Variants in CHRDL1 observed in about 807,000 individuals in gnomAD.
CHRDL1 encodes the protein chordin-like protein 1.
CHRDL1 carries 19 observed loss-of-function variants against 40.9 expected under a neutral mutation model. The ratio of observed to expected loss-of-function variants is 0.46; its 90% confidence interval spans 0.32 to 0.68. The LOEUF is 0.68. CHRDL1 is among the 30% of genes least tolerant of loss of function. CHRDL1 has a pLI of 0.03. For missense variants in CHRDL1, 329 were observed against 352.1 expected (o/e 0.93, Z 0.53); for synonymous variants, 136 against 123.4 (o/e 1.10, Z -0.68).
At chrX:110,710,724 T>G (rs1384987109) in intron 6 of CHRDL1, among the ~76,000 whole-genome samples, 1 of 111,781 alleles carries the variant, frequency 8.9e-6, no homozygotes, top group East Asian at 2.8e-4. Flanking sequence ...GCAAAAACAA[T>G]CTGGAACATT....
At chrX:110,693,218 T>C (rs2070315599) in intron 8 of CHRDL1, among the ~76,000 whole-genome samples, 1 of 111,403 alleles carries the variant, frequency 9.0e-6, no homozygotes. Flanking sequence ...CATTGGAAGC[T>C]ATGGAAGTCT....
chrX:110,686,891 C>CAAAAAAAA (rs754055781), intron 9 of CHRDL1, among the ~76,000 whole-genome samples: 30 of 85,355 alleles, frequency 3.5e-4, no homozygotes, highest in African/African-American at 7.5e-4. Context: ...CTCAAAAAAA[C>CAAAAAAAA]AAAAAATAAA....
intron 6 of CHRDL1, 146 bp downstream of exon 6, chrX:110,719,689 C>A: frequency 1.2e-4 from 27 of 222,328 alleles, no homozygotes; most frequent in South Asian, 3.5e-4. Context: ...ATTTATTTTT[C>A]CCTTTGTTAA....
At chrX:110,789,192 T>C (rs1184281316) in intron 2 of CHRDL1, among the ~76,000 whole-genome samples, 1 of 111,874 alleles carries the variant, frequency 8.9e-6, no homozygotes. Context: ...ATTGAACTAG[T>C]ACATAATCGA....
intron 3 of CHRDL1, among the ~76,000 whole-genome samples, chrX:110,760,056 G>A (rs770727745): frequency 1.3e-4 from 15 of 111,778 alleles, no homozygotes; most frequent in Non-Finnish European, 2.6e-4. Context: ...CCATTCCCCA[G>A]CTCTAGCTGC....
chrX:110,703,501 T>C (rs2070558186), intron 6 of CHRDL1, among the ~76,000 whole-genome samples: 2 of 111,029 alleles, frequency 1.8e-5, no homozygotes, highest in Non-Finnish European at 3.8e-5. Flanking sequence ...TGCCCAAGAG[T>C]CAGTTAACAT....
At chrX:110,728,350 A>C (rs1487909833) in intron 4 of CHRDL1, among the ~76,000 whole-genome samples, 2 of 111,555 alleles carry the variant, frequency 1.8e-5, no homozygotes, top group Admixed American at 9.6e-5. Flanking sequence ...AATGATATAA[A>C]TGTATTCCTC....
At chrX:110,677,945 G>C (rs2069813377) in intron 11 of CHRDL1, among the ~76,000 whole-genome samples, 1 of 111,306 alleles carries the variant, frequency 9.0e-6, no homozygotes, top group South Asian at 3.8e-4. Context: ...TGCTGATCTT[G>C]TTGATTTAAC....
intron 4 of CHRDL1, among the ~76,000 whole-genome samples, chrX:110,740,857 G>GT (rs1417246600): frequency 8.9e-6 from 1 of 111,998 alleles, no homozygotes; most frequent in Non-Finnish European, 1.9e-5. Context: ...CCTGCAACTT[G>GT]TTTTTGTAAA....
chrX:110,768,859 C>G (rs1236808923), intron 2 of CHRDL1, among the ~76,000 whole-genome samples: 1 of 111,034 alleles, frequency 9.0e-6, no homozygotes, highest in Non-Finnish European at 1.9e-5. Context: ...TCGTGTGAGT[C>G]AGTTCTCCTT....
intron 6 of CHRDL1, among the ~76,000 whole-genome samples, chrX:110,705,762 T>C (rs919427946): frequency 1.9e-5 from 2 of 108,068 alleles, no homozygotes; most frequent in East Asian, 5.7e-4. Flanking sequence ...ATATTTAACC[T>C]GTATATAAAT....
chrX:110,775,831 T>C (rs1046822950), intron 2 of CHRDL1, among the ~76,000 whole-genome samples: 3 of 111,104 alleles, frequency 2.7e-5, no homozygotes, highest in African/African-American at 3.3e-5. Context: ...TGGTTTTAAC[T>C]GAACATTTTA....
At position 110,694,522 on chromosome X, in the gene CHRDL1, T is replaced by A. The variant is rs374490380; in HGVS notation, c.610-191A>T. The stretch of plus-strand genomic sequence containing the variant: ...GCAGCTGACATTTTTTTCATTAAAA[T>A]TTTTTTTTAATGACAACTTGCCAAG... On this transcript the variant is annotated intron_variant, in intron 7 of 11. Transcript: ENST00000372042. 7.5e-4 allele frequency among the ~76,000 whole-genome samples: 83 copies of A among 111,078 alleles called. 1 individual carries two copies. Among genetic ancestry groups the A allele is most frequent in the African/African-American group, 2.4e-3 (73 of 30,681 alleles).
chrX:110,792,044 G>T (rs988534907), intron 2 of CHRDL1, 44 bp downstream of exon 2: 20 of 828,379 alleles, frequency 2.4e-5, no homozygotes, highest in Non-Finnish European at 3.3e-5. Context: ...CATTTTCAAA[G>T]AAATTATAAA....
intron 8 of CHRDL1, among the ~76,000 whole-genome samples, chrX:110,690,864 G>T (rs1453405563): frequency 9.0e-6 from 1 of 111,382 alleles, no homozygotes; most frequent in Non-Finnish European, 1.9e-5. Flanking sequence ...TCTGACATTT[G>T]TTAAGTGGGA....
intron 4 of CHRDL1, among the ~76,000 whole-genome samples, chrX:110,741,326 T>C (rs1286113861): frequency 8.9e-6 from 1 of 111,927 alleles, no homozygotes; most frequent in Non-Finnish European, 1.9e-5. Flanking sequence ...ACAAAGGGTA[T>C]ACACAGTATA....
chrX:110,756,286 G>A, intron 4 of CHRDL1, among the ~76,000 whole-genome samples: 1 of 112,081 alleles, frequency 8.9e-6, no homozygotes, highest in Admixed American at 9.5e-5. Flanking sequence ...AGCAATAAAT[G>A]GGAGCCAAAG....
intron 4 of CHRDL1, among the ~76,000 whole-genome samples, chrX:110,752,061 G>C (rs1430126418): frequency 1.8e-5 from 2 of 112,054 alleles, no homozygotes; most frequent in Non-Finnish European, 3.8e-5. Flanking sequence ...ATATGTGGAA[G>C]CTAAAAAAGT....
rs1491498596 is a variant in CHRDL1, at chrX:110,705,304, T to TATATATATATATATATATATACAC, written c.542-4584_542-4583insGTGTATATATATATATATATATAT. 7.7e-5 allele frequency among the ~76,000 whole-genome samples: 6 copies of TATATATATATATATATATATACAC among 77,617 alleles called. 1 individual carries two copies. The highest frequency in any genetic ancestry group is 3.4e-4 in the African/African-American group (6 of 17,682). The allele number at this position is 77,617 out of a possible 115,157, so 67.4% of individuals were successfully genotyped here. On this transcript the variant is annotated intron_variant, in intron 6 of 11. Transcript: ENST00000372042. Reference sequence around the variant, plus strand: ...GACTATATATATATATATATATATATACACACACACATATATATATACACA... The same window carrying TATATATATATATATATATATACAC: ...GACTATATATATATATATATATATATATATATATATATATATATATACACACACACACACATATATATATACACA...
Sources: allele counts gnomAD v4.1 joint callset (sites outside exome capture counted in the v4.1 genomes callset), GRCh38; gene constraint gnomAD v4.1.1; transcripts MANE v1.5; gene names NCBI Gene and HGNC (gene_info 2026-07-23, HGNC 2026-07-21).